Variants in HLCS observed in about 807,000 individuals in gnomAD.
HLCS encodes the protein biotin--protein ligase.
In HLCS, 53 loss-of-function variants were observed where a neutral mutation model predicts 75.0. The observed-to-expected ratio is 0.71, with a 90% CI of 0.57 to 0.89. The LOEUF (loss-of-function observed/expected upper bound fraction) is 0.89. HLCS is among the 40% of genes least tolerant of loss of function. The pLI is 0.00. For missense variants in HLCS, 966 were observed against 1,074.0 expected (o/e 0.90, Z 1.41); for synonymous variants, 431 against 428.6 (o/e 1.01, Z -0.07).
intron 6 of HLCS, among the ~76,000 whole-genome samples, chr21:36,770,202 G>A (rs1271768905): frequency 7.0e-6 from 1 of 142,528 alleles, no homozygotes; most frequent in Non-Finnish European, 1.5e-5. Context: ...CTAGAGTGCA[G>A]TGGCATGAAT....
chr21:36,885,837 CTTTTTA>C (rs2064429314), intron 6 of HLCS, among the ~76,000 whole-genome samples: 1 of 152,016 alleles, frequency 6.6e-6, no homozygotes. Context: ...AGTAATTAAA[CTTTTTA>C]TTTTTAAGTA....
In HLCS at chr21:36,752,936, C is replaced by G. The variant is rs1457457610; in HGVS notation, c.*1310G>C. 1 of 152,512 alleles carries G rather than the reference C, an allele frequency of 6.6e-6. No homozygotes were observed. The highest frequency in any genetic ancestry group is 1.9e-4 in the East Asian group (1 of 5,190). The allele number at this position is 152,512 out of a possible 1,614,324, so 9.4% of individuals were successfully genotyped here. A position where few individuals can be genotyped will look rare whatever the true frequency, so the allele number is the denominator to read the frequency against. ...TTCTTTCCACTAATTTCAGCTGGGA[C>G]TGGAAGAGAGAAAACTGGACAAAAA... On this transcript the variant is annotated 3_prime_UTR_variant, in exon 11 of 11. Coordinates refer to ENST00000674895, the MANE Select transcript of HLCS (RefSeq NM_001352514.2).
intron 1 of HLCS, chr21:36,973,484 T>C (rs1335852536): frequency 4.6e-5 from 7 of 152,100 alleles, no homozygotes; most frequent in Non-Finnish European, 1.0e-4. Context: ...TGAGAATTGG[T>C]ATACACCCAT....
At chr21:36,828,128 T>C (rs536750886) in intron 6 of HLCS, among the ~76,000 whole-genome samples, 1 of 152,260 alleles carries the variant, frequency 6.6e-6, no homozygotes, top group Admixed American at 6.5e-5. Flanking sequence ...GGCGAGTATT[T>C]TTCTACAGTT....
chr21:36,827,044 C>T (rs145342711), intron 6 of HLCS, among the ~76,000 whole-genome samples: 11 of 152,142 alleles, frequency 7.2e-5, no homozygotes, highest in East Asian at 1.9e-4. Flanking sequence ...AGACCTGTGG[C>T]GGGGAGGGTC....
intron 6 of HLCS, among the ~76,000 whole-genome samples, chr21:36,834,622 C>T (rs550684806): frequency 2.6e-4 from 39 of 152,330 alleles, no homozygotes; most frequent in African/African-American, 8.9e-4. Flanking sequence ...GTGGCACGAT[C>T]TTGGCTCACT....
At chr21:36,860,320 G>GC (rs143290903) in intron 6 of HLCS, among the ~76,000 whole-genome samples, 2,304 of 123,738 alleles carry the variant, frequency 0.019, 58 homozygotes, top group African/African-American at 0.058. Context: ...CCAAAGCCAT[G>GC]CCCCCTCCAG....
intron 4 of HLCS, among the ~76,000 whole-genome samples, chr21:36,935,404 A>T (rs934135244): frequency 3.3e-5 from 5 of 152,116 alleles, no homozygotes; most frequent in Admixed American, 2.0e-4. Context: ...AAACAAATAT[A>T]TACTCTGGAA....
At chr21:36,831,698 A>G (rs1230409358) in intron 6 of HLCS, among the ~76,000 whole-genome samples, 1 of 152,146 alleles carries the variant, frequency 6.6e-6, no homozygotes, top group East Asian at 1.9e-4. Flanking sequence ...CAATAAATCA[A>G]TCAAAATAAA....
At chr21:36,878,537 T>C (rs2064075103) in intron 6 of HLCS, among the ~76,000 whole-genome samples, 1 of 152,202 alleles carries the variant, frequency 6.6e-6, no homozygotes, top group African/African-American at 2.4e-5. Flanking sequence ...TACCATTGTA[T>C]TTAATTTAGA....
At chr21:36,834,786 C>T (rs1172867546) in intron 6 of HLCS, among the ~76,000 whole-genome samples, 4 of 152,198 alleles carry the variant, frequency 2.6e-5, no homozygotes, top group African/African-American at 9.7e-5. Context: ...AATCTCTTGA[C>T]CTCGTGATCC....
chr21:36,933,868 G>A lies in HLCS; in HGVS notation c.1437+2581C>T, dbSNP rs150425196. Among the ~76,000 whole-genome samples the A allele has an allele frequency of 5.1e-4, 78 of 152,300 alleles. No individual in the cohort carries two copies. In the East Asian group the frequency reaches 0.014, roughly 27 times the overall value. On this transcript the variant is annotated intron_variant, in intron 4 of 10. Coordinates refer to ENST00000674895, the MANE Select transcript of HLCS (RefSeq NM_001352514.2). ...CACACGCAGTGAATTGTATGAACTC[G>A]TTTTCACATGAGAACGATGCCAGGA...
At chr21:36,959,406 T>C (rs1219944756) in intron 2 of HLCS, among the ~76,000 whole-genome samples, 3 of 152,162 alleles carry the variant, frequency 2.0e-5, no homozygotes, top group Non-Finnish European at 4.4e-5. Flanking sequence ...TGCAGGCCTG[T>C]AGGCACCCCT....
chr21:36,820,405 AG>A (rs1445789925), intron 6 of HLCS, among the ~76,000 whole-genome samples: 1 of 152,208 alleles, frequency 6.6e-6, no homozygotes, highest in African/African-American at 2.4e-5. Flanking sequence ...GCGCTGTCAG[AG>A]GCCCCAGGAA....
At chr21:36,766,862 G>A (rs1170964699) in intron 7 of HLCS, among the ~76,000 whole-genome samples, 2 of 152,168 alleles carry the variant, frequency 1.3e-5, no homozygotes, top group Admixed American at 6.5e-5. Context: ...GCTCAGTACA[G>A]ACACAGAAGG....
chr21:36,948,737 A>G (rs999515806), intron 2 of HLCS, among the ~76,000 whole-genome samples: 10 of 124,722 alleles, frequency 8.0e-5, no homozygotes, highest in African/African-American at 2.6e-4. Flanking sequence ...TCAAAAAAAA[A>G]AAAAAAAAAA....
intron 1 of HLCS, among the ~76,000 whole-genome samples, chr21:36,982,219 G>A (rs535383145): frequency 6.6e-6 from 1 of 152,202 alleles, no homozygotes; most frequent in Non-Finnish European, 1.5e-5. Flanking sequence ...TTCTATTTGT[G>A]ATCATATCCT....
intron 2 of HLCS, chr21:36,946,001 G>C: frequency 2.4e-6 from 1 of 413,106 alleles, no homozygotes; most frequent in East Asian, 1.6e-4. Flanking sequence ...AGAGATAAGA[G>C]CACCTACCTT....
At chr21:36,814,307 T>G (rs1226338243) in intron 6 of HLCS, among the ~76,000 whole-genome samples, 1 of 152,178 alleles carries the variant, frequency 6.6e-6, no homozygotes, top group Non-Finnish European at 1.5e-5. Context: ...GGTCACTGTC[T>G]CCCCAAAAGG....
Sources: gnomAD v4.1 joint callset for allele counts (sites outside exome capture counted in the v4.1 genomes callset) on GRCh38, gnomAD v4.1.1 for gene constraint, MANE v1.5 for transcripts, NCBI Gene and HGNC (gene_info 2026-07-23, HGNC 2026-07-21) for gene names.